The following CTBP2 variants were observed in gnomAD, a reference collection of about 807,000 sequenced individuals.
CTBP2 encodes the protein C-terminal binding protein 2.
Under a neutral mutation model 80.3 loss-of-function variants are expected in CTBP2, and 30 were observed. The ratio of observed to expected loss-of-function variants is 0.37; its 90% CI spans 0.28 to 0.51. CTBP2 has a LOEUF of 0.51. Ranked by LOEUF, CTBP2 falls within the 20% of genes least tolerant of loss-of-function variation. CTBP2 has a pLI of 0.93. For synonymous variants in CTBP2, 594 were observed against 587.4 expected (o/e 1.01, Z -0.16); for missense variants, 1,212 against 1,375.3 (o/e 0.88, Z 1.88).
rs138747516 is a variant in CTBP2 at position 125,117,983 on chromosome 10, G to C, written c.-205-6890C>G. Among the ~76,000 whole-genome samples the C allele has an allele frequency of 3.9e-5, 6 of 152,242 alleles. No individual in the cohort carries two copies. In the East Asian group the frequency reaches 1.2e-3, roughly 29 times the overall value. ...ACAGTCTTTGTCAGAGAGTGTTTATGGAAATTTTACAATATTAAATATATT... is the reference window on the plus strand; with the variant it reads ...ACAGTCTTTGTCAGAGAGTGTTTATCGAAATTTTACAATATTAAATATATT... On this transcript the variant is annotated intron_variant, in intron 1 of 10. Coordinates refer to the CTBP2 transcript ENST00000337195.
intron 1 of CTBP2, among the ~76,000 whole-genome samples, chr10:125,022,571 G>A (rs913895868): frequency 6.6e-6 from 1 of 152,250 alleles, no homozygotes; most frequent in African/African-American, 2.4e-5. Flanking sequence ...AGCTCACGCT[G>A]GGCTCTGCCC....
rs1032394416 is a variant in CTBP2 at position 125,044,217 on chromosome 10, G to C, written c.-101-5062C>G. On this transcript the variant is annotated intron_variant, in intron 2 of 10. Coordinates refer to the CTBP2 transcript ENST00000337195. ...TCACCGCAGCCTACAGGGCCTCTCA[G>C]TGCACCCACAGGCTCATCCAGGAGC... 5.3e-5 allele frequency among the ~76,000 whole-genome samples: 8 copies of C among 152,206 alleles called. No individual in the cohort carries two copies. In the South Asian group the frequency reaches 1.0e-3, roughly 20 times the overall value.
chr10:125,023,597 C>A (rs1327803050), intron 1 of CTBP2, among the ~76,000 whole-genome samples: 1 of 152,126 alleles, frequency 6.6e-6, no homozygotes, highest in Non-Finnish European at 1.5e-5. Context: ...CTGGAGCCCC[C>A]ATTTGTCTGT....
rs576416070 is a variant in CTBP2 at position 125,026,893 on chromosome 10, C to A, written c.867G>T (p.Val289=). ...GCAGAAAGGCCAGGAACTCAGGGAG[C>A]ACGGTCCTCTTGCCACCAGGACCCT... is the stretch of plus-strand genomic sequence containing the variant. Residue 289 remains valine, a synonymous_variant, in exon 1 of 9, where the codon GTG becomes GTT. Coordinates refer to ENST00000309035, the MANE Select transcript of CTBP2 (RefSeq NM_022802.3). 3.4e-5 allele frequency: 55 copies of A among 1,613,994 alleles called. No homozygotes were observed. The East Asian group carries it at 1.1e-3, about 33-fold the overall frequency.
chr10:125,116,639 C>T (rs1381204822), intron 1 of CTBP2, among the ~76,000 whole-genome samples: 1 of 152,216 alleles, frequency 6.6e-6, no homozygotes, highest in Non-Finnish European at 1.5e-5. Flanking sequence ...CCTAGCCTGA[C>T]ACTCCCTAGA....
At chr10:124,994,380 C>A in intron 5 of CTBP2, 89 bp downstream of exon 7, 1 of 1,298,186 alleles carries the variant, frequency 7.7e-7, no homozygotes, top group Non-Finnish European at 1.1e-6. Flanking sequence ...CAGAAACCAC[C>A]TCCGTTGCCC....
At chr10:125,149,728 C>T (rs1189057524) in intron 1 of CTBP2, among the ~76,000 whole-genome samples, 1 of 152,220 alleles carries the variant, frequency 6.6e-6, no homozygotes, top group Admixed American at 6.5e-5. Flanking sequence ...TTCAGGAAAA[C>T]CTTCACCTTG....
At chr10:124,992,208 C>CT (rs1952741681) in intron 8 of CTBP2, among the ~76,000 whole-genome samples, 1 of 69,754 alleles carries the variant, frequency 1.4e-5, no homozygotes, top group Admixed American at 1.5e-4. Flanking sequence ...TTTGAGAAGC[C>CT]CTTTTTTTTT....
chr10:125,146,421 C>T (rs1377539564), intron 1 of CTBP2, among the ~76,000 whole-genome samples: 1 of 150,994 alleles, frequency 6.6e-6, no homozygotes, highest in East Asian at 2.0e-4. Flanking sequence ...GCTAGGATTA[C>T]AGGTGCGCGC....
intron 1 of CTBP2, among the ~76,000 whole-genome samples, chr10:125,134,729 C>G (rs1856701061): frequency 6.6e-6 from 1 of 152,098 alleles, no homozygotes; most frequent in Non-Finnish European, 1.5e-5. Context: ...CCTGGGCCAC[C>G]TCTGCGGGTC....
chr10:125,098,766 G>GAGAGAGAGAGAC (rs1850135637), intron 2 of CTBP2, among the ~76,000 whole-genome samples: 1 of 142,968 alleles, frequency 7.0e-6, no homozygotes, highest in African/African-American at 2.6e-5. Context: ...GAGAGAGAGA[G>GAGAGAGAGAGAC]AGAGAGAGAG....
chr10:125,160,482 C>A, exon 1 of CTBP2: 1 of 150,324 alleles, frequency 6.7e-6, no homozygotes, highest in South Asian at 1.8e-4. Context: ...CCTCGCTCCT[C>A]GGGCCGCCGC....
At chr10:125,028,618 G>A (rs557097554), upstream of CTBP2, among the ~76,000 whole-genome samples, 1 of 152,350 alleles carries the variant, frequency 6.6e-6, no homozygotes, top group South Asian at 2.1e-4. Flanking sequence ...AAACACAGAT[G>A]GGCTCATGCT....
intron 1 of CTBP2, among the ~76,000 whole-genome samples, chr10:125,023,928 C>T (rs1014408123): frequency 2.0e-5 from 3 of 152,292 alleles, no homozygotes; most frequent in East Asian, 1.9e-4. Flanking sequence ...CTTGTCCCTC[C>T]GATGGGAGGG....
chr10:125,096,186 C>T (rs1849519023), intron 2 of CTBP2, among the ~76,000 whole-genome samples: 1 of 152,210 alleles, frequency 6.6e-6, no homozygotes, highest in African/African-American at 2.4e-5. Context: ...ACTCTGGCAA[C>T]AAAATCCGAG....
chr10:125,030,246 G>A (rs61386778), upstream of CTBP2, among the ~76,000 whole-genome samples: 2,526 of 152,198 alleles, frequency 0.017, 75 homozygotes, highest in African/African-American at 0.058. Flanking sequence ...GGACCCATTA[G>A]AGTAATACAT....
In CTBP2 at chr10:125,066,088, C is replaced by G. The variant is rs1046025654; in HGVS notation, c.-101-26933G>C. 6.8e-6 allele frequency among the ~76,000 whole-genome samples: 1 copy of G among 146,446 alleles called. No individual in the cohort carries two copies. The highest frequency in any genetic ancestry group is 2.1e-4 in the South Asian group (1 of 4,668). ...GGCACTCTAGCCAAAAAAAAAAAGC[C>G]GTCATCTTCTTGATGGTGAACTCCC... On this transcript the variant is annotated intron_variant, in intron 2 of 10. Coordinates refer to the CTBP2 transcript ENST00000337195. The surrounding 1 kb of genome is among the most constrained non-coding windows in gnomAD (Gnocchi z 4.1).
chr10:125,098,663 A>C, intron 2 of CTBP2, among the ~76,000 whole-genome samples: 1 of 60,114 alleles, frequency 1.7e-5, no homozygotes, highest in Non-Finnish European at 3.3e-5. Context: ...AGGGGGAGAG[A>C]GAGAGAGAGA....
intron 1 of CTBP2, among the ~76,000 whole-genome samples, chr10:125,017,602 C>T (rs557420867): frequency 3.3e-5 from 5 of 152,180 alleles, no homozygotes; most frequent in Non-Finnish European, 5.9e-5. Flanking sequence ...CTCTTATGAC[C>T]AAAGAACATT....
Sources: gnomAD v4.1 joint callset for allele counts (sites outside exome capture counted in the v4.1 genomes callset) on GRCh38, gnomAD v4.1.1 for gene constraint, Gnocchi (gnomAD v3.1) non-coding constraint, MANE v1.5 for transcripts, NCBI Gene and HGNC (gene_info 2026-07-23, HGNC 2026-07-21) for gene names.